Variants in FRMD4B observed in about 807,000 individuals in gnomAD.
FRMD4B encodes the protein FERM domain-containing protein 4B.
A neutral mutation model predicts 141.5 loss-of-function variants in FRMD4B; 74 were observed. That is an observed-to-expected ratio of 0.52 (90% CI 0.43 to 0.63). FRMD4B has a LOEUF of 0.63. Among genes scored for constraint, FRMD4B ranks in the 30% least tolerant of loss-of-function variants. The pLI, the probability that FRMD4B is intolerant of heterozygous loss-of-function variation, is 0.00. For missense variants in FRMD4B, 1,366 were observed against 1,253.4 expected (o/e 1.09, Z -1.36); for synonymous variants, 506 against 467.9 (o/e 1.08, Z -1.05).
intron 2 of FRMD4B, among the ~76,000 whole-genome samples, chr3:69,423,221 C>T (rs189140251): frequency 6.6e-6 from 1 of 152,270 alleles, no homozygotes; most frequent in South Asian, 2.1e-4. Context: ...CAATCATAGC[C>T]CACTGCAGCC....
At chr3:69,314,766 T>A (rs539485364) in intron 1 of FRMD4B, among the ~76,000 whole-genome samples, 1 of 152,008 alleles carries the variant, frequency 6.6e-6, no homozygotes, top group Non-Finnish European at 1.5e-5. Flanking sequence ...GCCTGGGAGG[T>A]TGAGGTTGCA....
intron 1 of FRMD4B, among the ~76,000 whole-genome samples, chr3:69,314,563 G>A (rs1185821675): frequency 6.6e-6 from 1 of 150,434 alleles, no homozygotes; most frequent in Non-Finnish European, 1.5e-5. Flanking sequence ...GCTGGGTACA[G>A]TGGCTCACGC....
At chr3:69,450,079 G>A (rs963673798) in intron 1 of FRMD4B, among the ~76,000 whole-genome samples, 7 of 152,166 alleles carry the variant, frequency 4.6e-5, no homozygotes, top group East Asian at 1.9e-4. Context: ...TGGGGAGAAC[G>A]AGGTCACTGA....
intron 1 of FRMD4B, chr3:69,541,210 A>C: frequency 6.6e-6 from 1 of 152,166 alleles, no homozygotes; most frequent in East Asian, 1.9e-4. Flanking sequence ...CAGCACCCTA[A>C]GGTCTTTCTT....
intron 2 of FRMD4B, among the ~76,000 whole-genome samples, chr3:69,411,104 T>C (rs1042640284): frequency 2.0e-5 from 3 of 151,972 alleles, no homozygotes; most frequent in African/African-American, 7.3e-5. Flanking sequence ...CAAGTGATAA[T>C]GATGGCCCAG....
At chr3:69,468,180 T>A (rs1374300357) in intron 1 of FRMD4B, among the ~76,000 whole-genome samples, 1 of 152,108 alleles carries the variant, frequency 6.6e-6, no homozygotes, top group Admixed American at 6.5e-5. Flanking sequence ...AAATTACAGG[T>A]CATTTCAGAT....
intron 1 of FRMD4B, among the ~76,000 whole-genome samples, chr3:69,509,742 G>T (rs1008039543): frequency 1.3e-5 from 2 of 151,766 alleles, no homozygotes; most frequent in Admixed American, 6.6e-5. Context: ...ACAAACTGAA[G>T]GTTTATGGCA....
intron 1 of FRMD4B, among the ~76,000 whole-genome samples, chr3:69,480,190 G>A (rs1196267974): frequency 1.3e-5 from 2 of 152,194 alleles, no homozygotes; most frequent in Non-Finnish European, 2.9e-5. Flanking sequence ...ATCGTCTGAA[G>A]CCTTCTTCTC....
At chr3:69,495,368 C>G (rs1303079237) in intron 1 of FRMD4B, among the ~76,000 whole-genome samples, 2 of 152,186 alleles carry the variant, frequency 1.3e-5, no homozygotes, top group East Asian at 1.9e-4. Context: ...GAAAGATAAT[C>G]CAAACCCCCT....
intron 1 of FRMD4B, among the ~76,000 whole-genome samples, chr3:69,500,118 A>C (rs1351382944): frequency 6.6e-6 from 1 of 152,176 alleles, no homozygotes; most frequent in African/African-American, 2.4e-5. Context: ...GCCAAGCCCC[A>C]GGACCCAGAG....
intron 1 of FRMD4B, among the ~76,000 whole-genome samples, chr3:69,435,437 C>T (rs977546290): frequency 6.6e-6 from 1 of 151,932 alleles, no homozygotes; most frequent in African/African-American, 2.4e-5. Context: ...CAAGACTATG[C>T]TTGCCAGTTA....
chr3:69,369,969 C>T (rs2107487626), intron 1 of FRMD4B, among the ~76,000 whole-genome samples: 1 of 152,240 alleles, frequency 6.6e-6, no homozygotes, highest in South Asian at 2.1e-4. Flanking sequence ...GCTCTTGTAA[C>T]TTAAAGAGTC....
At chr3:69,515,592 T>A (rs1324241412) in intron 1 of FRMD4B, among the ~76,000 whole-genome samples, 1 of 152,214 alleles carries the variant, frequency 6.6e-6, no homozygotes, top group Non-Finnish European at 1.5e-5. Context: ...CATTGAGATC[T>A]CTTTCATTAG....
At chr3:69,230,517 G>T (rs943072165) in intron 7 of FRMD4B, among the ~76,000 whole-genome samples, 2 of 151,924 alleles carry the variant, frequency 1.3e-5, no homozygotes, top group African/African-American at 4.8e-5. Flanking sequence ...AGGCTCAGGT[G>T]GGTGGATCAC....
chr3:69,234,236 C>A (rs1291943894), intron 7 of FRMD4B, among the ~76,000 whole-genome samples: 3 of 147,774 alleles, frequency 2.0e-5, no homozygotes, highest in Non-Finnish European at 4.5e-5. Flanking sequence ...CAGAGTGAGA[C>A]CCTGTCTCAA....
In FRMD4B at chr3:69,188,775, A is replaced by AAAAAAAAAAAAAC. The variant is rs1553696831; in HGVS notation, c.1772-859_1772-858insGTTTTTTTTTTTT. ...CGAGACTCCGTCTCAAAAAAAAAAA[A>AAAAAAAAAAAAAC]AAAAAAAAACTTGGGGAAGATAAAG... On this transcript the variant is annotated intron_variant, in intron 18 of 22. Coordinates refer to ENST00000398540, the MANE Select transcript of FRMD4B (RefSeq NM_015123.3). 5.5e-4 allele frequency among the ~76,000 whole-genome samples: 82 copies of AAAAAAAAAAAAAC among 148,194 alleles called. 1 individual carries two copies. Among genetic ancestry groups the AAAAAAAAAAAAAC allele is most frequent in the African/African-American group, 1.7e-3 (67 of 39,392 alleles).
chr3:69,194,727 T>G (rs1302446541), intron 16 of FRMD4B, among the ~76,000 whole-genome samples: 4 of 152,068 alleles, frequency 2.6e-5, no homozygotes, highest in African/African-American at 7.3e-5. Context: ...TATTATTTAG[T>G]TTTAAGTAAA....
Position 69,193,023 on chromosome 3 carries a change from G to A in FRMD4B, c.1714+625C>T, listed in dbSNP as rs575519219. On this transcript the variant is annotated intron_variant, in intron 17 of 22. Coordinates refer to ENST00000398540, the MANE Select transcript of FRMD4B (RefSeq NM_015123.3). ...TTTTGAAGAGACGGGGTTTCACCAC[G>A]CTTCCCAGGGTGGTCTCAAACTCCT... is the stretch of plus-strand genomic sequence containing the variant. Among the ~76,000 whole-genome samples, 19 of 151,866 alleles carry A rather than the reference G, an allele frequency of 1.3e-4. No individual in the cohort carries two copies. In the South Asian group the frequency reaches 3.1e-3, roughly 25 times the overall value.
chr3:69,245,291 T>C (rs751245599), intron 7 of FRMD4B, among the ~76,000 whole-genome samples: 19 of 151,392 alleles, frequency 1.3e-4, no homozygotes, highest in South Asian at 4.2e-4. Flanking sequence ...CATTGCCTCA[T>C]GGTATTTTAT....
Sources: gnomAD v4.1 joint callset for allele counts (sites outside exome capture counted in the v4.1 genomes callset) on GRCh38, gnomAD v4.1.1 for gene constraint, MANE v1.5 for transcripts, NCBI Gene and HGNC (gene_info 2026-07-23, HGNC 2026-07-21) for gene names.